The following RALYL variants were observed in gnomAD, a reference collection of about 807,000 sequenced individuals.
The protein encoded by RALYL is RNA-binding Raly-like protein.
In RALYL, 29 loss-of-function variants were observed where a neutral mutation model predicts 35.1. That is an observed-to-expected ratio of 0.83 (90% CI 0.61 to 1.13). RALYL has a LOEUF of 1.13. Ranked by LOEUF, RALYL falls within the 50% of genes most tolerant of loss-of-function variation. The probability of loss-of-function intolerance (pLI) is 0.00; values close to 1 mark genes in which losing one functional copy is unlikely to be tolerated. For missense variants in RALYL, 359 were observed against 360.4 expected (o/e 1.00, Z 0.03); for synonymous variants, 120 against 127.6 (o/e 0.94, Z 0.40).
chr8:84,820,084 C>T (rs1442020392), intron 4 of RALYL, among the ~76,000 whole-genome samples: 1 of 152,082 alleles, frequency 6.6e-6, no homozygotes, highest in Non-Finnish European at 1.5e-5. Flanking sequence ...ATCATTAAAT[C>T]CACTCAACCC....
In RALYL at chr8:84,317,210, T is replaced by C. The variant is rs954628081; in HGVS notation, c.-24+132786T>C. 3.4e-5 allele frequency among the ~76,000 whole-genome samples: 5 copies of C among 146,806 alleles called. 1 individual carries two copies. Among genetic ancestry groups the C allele is most frequent in the Non-Finnish European group, 7.4e-5 (5 of 67,132 alleles). ...CATAGTATGAGATACAGCAAAGAGA[T>C]TGAAAACATTATGTTAGATGCTGGA... On this transcript the variant is annotated intron_variant, in intron 1 of 8. Coordinates refer to ENST00000521268, the MANE Select transcript of RALYL (RefSeq NM_173848.7).
At chr8:84,289,654 T>A (rs1838373942) in intron 1 of RALYL, among the ~76,000 whole-genome samples, 1 of 152,202 alleles carries the variant, frequency 6.6e-6, no homozygotes, top group South Asian at 2.1e-4. Context: ...TTTGGACAAA[T>A]GTTTAAATGA....
intron 8 of RALYL, among the ~76,000 whole-genome samples, chr8:84,908,870 T>TC (rs1847017925): frequency 6.6e-6 from 1 of 152,032 alleles, no homozygotes; most frequent in Admixed American, 6.6e-5. Context: ...GCACTTTTTT[T>TC]TTTTTTTGCG....
At chr8:84,745,278 G>A (rs548169547) in intron 2 of RALYL, among the ~76,000 whole-genome samples, 12 of 151,806 alleles carry the variant, frequency 7.9e-5, no homozygotes, top group Non-Finnish European at 1.5e-4. Flanking sequence ...GAACTGCCAC[G>A]TTTATGATAG....
At chr8:84,429,260 A>G (rs561036138) in intron 1 of RALYL, among the ~76,000 whole-genome samples, 9 of 152,312 alleles carry the variant, frequency 5.9e-5, no homozygotes, top group Admixed American at 3.9e-4. Flanking sequence ...ATCATTGCAG[A>G]AAAGAAGCAG....
At position 84,863,034 on chromosome 8, in the gene RALYL, C is replaced by T. The variant is rs549521227; in HGVS notation, c.571+581C>T. Reference sequence around the variant, plus strand: ...GCGATACAAACTTTCCAACTAAACACATTGCTAAATTTTTATATGGAGTGA... The same window carrying T: ...GCGATACAAACTTTCCAACTAAACATATTGCTAAATTTTTATATGGAGTGA... On this transcript the variant is annotated intron_variant, in intron 6 of 8. Coordinates refer to ENST00000521268, the MANE Select transcript of RALYL (RefSeq NM_173848.7). Among the ~76,000 whole-genome samples, 6 of 152,238 alleles carry T rather than the reference C, an allele frequency of 3.9e-5. No homozygotes were observed. The East Asian group carries it at 1.2e-3, about 29-fold the overall frequency.
intron 1 of RALYL, among the ~76,000 whole-genome samples, chr8:84,483,269 T>C (rs1219400925): frequency 6.6e-6 from 1 of 152,150 alleles, no homozygotes; most frequent in Non-Finnish European, 1.5e-5. Flanking sequence ...TCTAAAAAGA[T>C]ATAACTTAAT....
At chr8:84,860,905 CA>C (rs1189827116) in intron 5 of RALYL, among the ~76,000 whole-genome samples, 1 of 152,176 alleles carries the variant, frequency 6.6e-6, no homozygotes, top group Non-Finnish European at 1.5e-5. Flanking sequence ...CCTCACCTCA[CA>C]GTATAATAGT....
chr8:84,516,081 A>C (rs1220163755), intron 1 of RALYL, among the ~76,000 whole-genome samples: 1 of 152,028 alleles, frequency 6.6e-6, no homozygotes, highest in African/African-American at 2.4e-5. Context: ...AGTTAATTCA[A>C]ATTGGCAATA....
intron 1 of RALYL, among the ~76,000 whole-genome samples, chr8:84,377,679 C>T (rs914066134): frequency 1.3e-5 from 2 of 151,502 alleles, no homozygotes; most frequent in African/African-American, 4.8e-5. Flanking sequence ...ATTTTATCCA[C>T]CCACTCTGCT....
At chr8:84,797,125 G>A (rs1822117561) in intron 3 of RALYL, among the ~76,000 whole-genome samples, 1 of 152,198 alleles carries the variant, frequency 6.6e-6, no homozygotes, top group South Asian at 2.1e-4. Flanking sequence ...TGTCTAGTGA[G>A]GGATTTCTTG....
intron 1 of RALYL, among the ~76,000 whole-genome samples, chr8:84,340,936 T>A (rs1369506446): frequency 6.6e-6 from 1 of 152,090 alleles, no homozygotes; most frequent in African/African-American, 2.4e-5. Flanking sequence ...CTACCAATAC[T>A]GTATAATGGT....
chr8:84,368,262 A>T (rs1325952530), intron 1 of RALYL, among the ~76,000 whole-genome samples: 5 of 152,228 alleles, frequency 3.3e-5, no homozygotes, highest in Admixed American at 2.0e-4. Context: ...CTAGATACAG[A>T]AAGATGTGTA....
chr8:84,653,537 T>C (rs1264402721), intron 2 of RALYL, among the ~76,000 whole-genome samples: 1 of 152,062 alleles, frequency 6.6e-6, no homozygotes, highest in Non-Finnish European at 1.5e-5. Flanking sequence ...TGGTATACTT[T>C]TCCCTCTCAT....
At chr8:84,570,180 A>G (rs935402155) in intron 2 of RALYL, among the ~76,000 whole-genome samples, 2 of 151,988 alleles carry the variant, frequency 1.3e-5, no homozygotes, top group Admixed American at 1.3e-4. Context: ...CTTGGGCAGT[A>G]TAATCATTTT....
intron 1 of RALYL, among the ~76,000 whole-genome samples, chr8:84,311,257 T>A (rs1842767072): frequency 1.3e-5 from 2 of 151,654 alleles, no homozygotes; most frequent in Admixed American, 6.6e-5. Flanking sequence ...CTATTCATTA[T>A]CACCACTACT....
chr8:84,333,888 GT>G (rs976044736), intron 1 of RALYL, among the ~76,000 whole-genome samples: 17 of 144,156 alleles, frequency 1.2e-4, no homozygotes, highest in African/African-American at 1.7e-4. Context: ...ATTTTAACTT[GT>G]TTTTTTCCCC....
At chr8:84,482,729 C>T (rs1302323069) in intron 1 of RALYL, among the ~76,000 whole-genome samples, 1 of 151,928 alleles carries the variant, frequency 6.6e-6, no homozygotes, top group African/African-American at 2.4e-5. Context: ...TCTGTTTCAC[C>T]TCCGTTCTTG....
intron 2 of RALYL, among the ~76,000 whole-genome samples, chr8:84,600,925 TATC>T (rs1564212893): frequency 2.6e-5 from 4 of 152,040 alleles, no homozygotes; most frequent in Non-Finnish European, 5.9e-5. Context: ...TGCTATTGGT[TATC>T]AACAATAACT....
Sources: gnomAD v4.1 joint callset for allele counts (sites outside exome capture counted in the v4.1 genomes callset) on GRCh38, gnomAD v4.1.1 for gene constraint, MANE v1.5 for transcripts, NCBI Gene and HGNC (gene_info 2026-07-23, HGNC 2026-07-21) for gene names.